ESR1: variants seen among roughly 807,000 people sequenced by gnomAD.
ESR1 encodes the protein estrogen receptor 1.
A neutral mutation model predicts 52.7 loss-of-function variants in ESR1; 12 were observed. The observed-to-expected ratio is 0.23, with a 90% CI of 0.15 to 0.37. ESR1 has a LOEUF of 0.37. Ranked by LOEUF, ESR1 falls within the 10% of genes least tolerant of loss-of-function variation. The pLI is 1.00. For missense variants in ESR1, 584 were observed against 779.7 expected (o/e 0.75, Z 2.99); for synonymous variants, 305 against 316.8 (o/e 0.96, Z 0.39).
intron 2 of ESR1, among the ~76,000 whole-genome samples, chr6:151,737,374 T>C (rs553898715): frequency 7.2e-5 from 11 of 152,328 alleles, no homozygotes; most frequent in African/African-American, 2.6e-4. Flanking sequence ...TCAAGTCCCA[T>C]TAATGCAAGC....
intron 2 of ESR1, among the ~76,000 whole-genome samples, chr6:151,755,729 C>G (rs995926543): frequency 5.9e-5 from 9 of 152,040 alleles, no homozygotes; most frequent in Non-Finnish European, 1.3e-4. Context: ...CTCCCAGATT[C>G]AAGTGATTCT....
intron 4 of ESR1, among the ~76,000 whole-genome samples, chr6:151,950,798 C>T (rs987903368): frequency 1.3e-5 from 2 of 152,042 alleles, no homozygotes; most frequent in African/African-American, 4.8e-5. Flanking sequence ...AACTGTGAGG[C>T]GTACATTTCT....
intron 4 of ESR1, among the ~76,000 whole-genome samples, chr6:151,991,140 C>T (rs941184224): frequency 6.6e-6 from 1 of 152,106 alleles, no homozygotes; most frequent in Non-Finnish European, 1.5e-5. Flanking sequence ...TCACTTGGCT[C>T]TGTACAGACA....
intron 6 of ESR1, among the ~76,000 whole-genome samples, chr6:152,062,894 T>G (rs575071013): frequency 3.9e-5 from 6 of 152,240 alleles, no homozygotes; most frequent in African/African-American, 1.2e-4. Context: ...CAGATCCATA[T>G]AGACTTTTCC....
chr6:151,854,960 T>C (rs552755729), intron 2 of ESR1, among the ~76,000 whole-genome samples: 2 of 152,330 alleles, frequency 1.3e-5, no homozygotes, highest in South Asian at 2.1e-4. Flanking sequence ...GTTGCCCAGG[T>C]TGGAGTGCAG....
At chr6:151,723,851 C>A (rs1245930659) in intron 2 of ESR1, among the ~76,000 whole-genome samples, 1 of 152,098 alleles carries the variant, frequency 6.6e-6, no homozygotes, top group African/African-American at 2.4e-5. Flanking sequence ...GCCTGGGTGA[C>A]AGAGCAAGAC....
At chr6:152,120,036 G>A (rs1481099127) in intron 6 of ESR1, among the ~76,000 whole-genome samples, 4 of 152,226 alleles carry the variant, frequency 2.6e-5, no homozygotes, top group African/African-American at 7.2e-5. Context: ...TGGAATGTAT[G>A]CTAAGATTTT....
chr6:152,068,329 A>G (rs2048129311), intron 6 of ESR1, among the ~76,000 whole-genome samples: 1 of 152,244 alleles, frequency 6.6e-6, no homozygotes, highest in Non-Finnish European at 1.5e-5. Flanking sequence ...GGCATTCATA[A>G]GCATCTGTGA....
intron 2 of ESR1, among the ~76,000 whole-genome samples, chr6:151,857,362 A>G (rs921938551): frequency 2.0e-5 from 3 of 152,002 alleles, no homozygotes; most frequent in African/African-American, 7.3e-5. Flanking sequence ...GTCATTTTAT[A>G]TAAGGGACTT....
At chr6:151,698,262 A>G (rs891626708) in intron 1 of ESR1, among the ~76,000 whole-genome samples, 1 of 151,896 alleles carries the variant, frequency 6.6e-6, no homozygotes, top group Non-Finnish European at 1.5e-5. Flanking sequence ...GCTACTTGAG[A>G]GGCTGAGGTG....
At chr6:151,987,861 T>C (rs2040639858) in intron 4 of ESR1, among the ~76,000 whole-genome samples, 1 of 152,192 alleles carries the variant, frequency 6.6e-6, no homozygotes, top group East Asian at 1.9e-4. Flanking sequence ...CTTTTAAGCA[T>C]CTATTGCTTT....
chr6:152,078,950 T>C (rs1377773981), intron 6 of ESR1, among the ~76,000 whole-genome samples: 1 of 152,032 alleles, frequency 6.6e-6, no homozygotes, highest in East Asian at 1.9e-4. Context: ...GAAGCTTGAG[T>C]AGCTCACAGC....
intron 2 of ESR1, among the ~76,000 whole-genome samples, chr6:151,769,189 A>G (rs6939683): frequency 0.17 from 25,474 of 152,168 alleles, 2,442 homozygotes; most frequent in East Asian, 0.4. Context: ...TTGGAAGTCT[A>G]CTTCTGCCAG....
At chr6:151,866,362 G>A (rs1012955281) in intron 2 of ESR1, among the ~76,000 whole-genome samples, 4 of 151,704 alleles carry the variant, frequency 2.6e-5, no homozygotes, top group Non-Finnish European at 4.4e-5. Context: ...TATACTTTAC[G>A]TTTGGGGATA....
At chr6:151,840,399 A>G (rs1784105042) in intron 1 of ESR1, among the ~76,000 whole-genome samples, 1 of 152,236 alleles carries the variant, frequency 6.6e-6, no homozygotes, top group Non-Finnish European at 1.5e-5. Context: ...AGTGCTCTCT[A>G]ATGAACATTA....
chr6:151,969,491 G>T (rs1004197529), intron 4 of ESR1, among the ~76,000 whole-genome samples: 10 of 152,276 alleles, frequency 6.6e-5, no homozygotes, highest in Admixed American at 2.0e-4. Flanking sequence ...ACATGCAAGG[G>T]CATTTTCCCA....
intron 4 of ESR1, among the ~76,000 whole-genome samples, chr6:151,973,998 G>C (rs1477099327): frequency 6.6e-6 from 1 of 152,104 alleles, no homozygotes; most frequent in East Asian, 1.9e-4. Flanking sequence ...GTGAGTATTT[G>C]GTCTCACAAA....
intron 3 of ESR1, among the ~76,000 whole-genome samples, chr6:151,918,578 A>C (rs1468958057): frequency 6.6e-6 from 1 of 152,212 alleles, no homozygotes; most frequent in Non-Finnish European, 1.5e-5. Context: ...AAGGTGGTAG[A>C]CATGCTAGTG....
intron 2 of ESR1, among the ~76,000 whole-genome samples, chr6:151,783,853 T>C (rs1403763089): frequency 1.3e-5 from 2 of 152,210 alleles, no homozygotes; most frequent in African/African-American, 2.4e-5. Flanking sequence ...TCTCAGATTT[T>C]CCATGTTTTT....
Sources: gnomAD v4.1 joint callset for allele counts (sites outside exome capture counted in the v4.1 genomes callset) on GRCh38, gnomAD v4.1.1 for gene constraint, MANE v1.5 for transcripts, NCBI Gene and HGNC (gene_info 2026-07-23, HGNC 2026-07-21) for gene names.